Variants in MGAT4C observed in about 807,000 individuals in gnomAD.
The protein encoded by MGAT4C is alpha-1,3-mannosyl-glycoprotein 4-beta-N-acetylglucosaminyltransferase C.
In MGAT4C, 19 loss-of-function variants were observed where a neutral mutation model predicts 40.1. That is an observed-to-expected ratio of 0.47 (90% CI 0.33 to 0.70). The LOEUF (loss-of-function observed/expected upper bound fraction) is 0.70. Among genes scored for constraint, MGAT4C ranks in the 30% least tolerant of loss-of-function variants. The pLI, the probability that MGAT4C is intolerant of heterozygous loss-of-function variation, is 0.02. For missense variants in MGAT4C, 491 were observed against 563.2 expected, an observed-to-expected ratio of 0.87 and a Z score of 1.30; for synonymous variants, 181 against 187.1, an observed-to-expected ratio of 0.97 and a Z score of 0.27.
Position 86,001,421 on chromosome 12 carries a change from C to T in MGAT4C, c.-6-11869G>A, listed in dbSNP as rs77353035. The T allele has an allele frequency of 1.2e-3, 191 of 157,708 alleles. 1 individual carries two copies. The East Asian group carries it at 0.025, about 21-fold the overall frequency. 9.8% of individuals were successfully genotyped at this position (157,708 alleles called of 1,614,324 possible). ...ATAATTTTTTCTTTAACAGTTTTTGCTGCTATGACTTGTATAGGATCAAAT... is the reference window on the plus strand; with the variant it reads ...ATAATTTTTTCTTTAACAGTTTTTGTTGCTATGACTTGTATAGGATCAAAT... On this transcript the variant is annotated intron_variant, in intron 2 of 4. Transcript: ENST00000611864.
chr12:86,038,956 G>A (rs1230160620), intron 2 of MGAT4C, among the ~76,000 whole-genome samples: 1 of 127,826 alleles, frequency 7.8e-6, no homozygotes, highest in African/African-American at 3.0e-5. Flanking sequence ...GGATTTGCTT[G>A]TCTGCAAAAG....
intron 3 of MGAT4C, among the ~76,000 whole-genome samples, chr12:86,374,817 A>G (rs1955794024): frequency 6.6e-6 from 1 of 152,162 alleles, no homozygotes; most frequent in African/African-American, 2.4e-5. Flanking sequence ...TATTAAGTCT[A>G]CTAAAGACAA....
chr12:86,707,685 C>T (rs561481464), intron 2 of MGAT4C, among the ~76,000 whole-genome samples: 33 of 152,020 alleles, frequency 2.2e-4, no homozygotes, highest in African/African-American at 7.2e-4. Context: ...CACATGCTGC[C>T]GTACCATGCT....
At chr12:86,472,603 T>C (rs1320873823) in intron 2 of MGAT4C, among the ~76,000 whole-genome samples, 1 of 152,170 alleles carries the variant, frequency 6.6e-6, no homozygotes, top group African/African-American at 2.4e-5. Flanking sequence ...CTATTATAGA[T>C]TTTTTTTCTT....
At chr12:86,832,545 C>T (rs1952951023) in intron 1 of MGAT4C, among the ~76,000 whole-genome samples, 1 of 151,762 alleles carries the variant, frequency 6.6e-6, no homozygotes, top group African/African-American at 2.4e-5. Flanking sequence ...CTGCGATTTA[C>T]CTAAACCTGT....
chr12:86,092,137 A>G (rs1212204928), intron 1 of MGAT4C, among the ~76,000 whole-genome samples: 1 of 152,148 alleles, frequency 6.6e-6, no homozygotes, highest in Non-Finnish European at 1.5e-5. Flanking sequence ...ATTGCAGATC[A>G]GAATTCTCTC....
chr12:85,970,571 C>T lies in MGAT4C; in HGVS notation c.*8718G>A, dbSNP rs1300884579. ...TAAGTTTGCATGAAAATAACTCCAT[C>T]CTGAGTATACTCATTTCAATAAATT... is the stretch of plus-strand genomic sequence containing the variant. On this transcript the variant is annotated 3_prime_UTR_variant, in exon 5 of 5. Transcript: ENST00000611864. The T allele has an allele frequency of 6.6e-6, 1 of 151,158 alleles. No homozygotes were observed. The highest frequency in any genetic ancestry group is 2.4e-5 in the African/African-American group (1 of 41,334). 9.4% of individuals were successfully genotyped at this position (151,158 alleles called of 1,614,324 possible).
chr12:86,376,382 A>T (rs1336062964), intron 3 of MGAT4C, among the ~76,000 whole-genome samples: 1 of 152,084 alleles, frequency 6.6e-6, no homozygotes, highest in East Asian at 1.9e-4. Flanking sequence ...TGTCTCAAAA[A>T]ACCAAAAATA....
chr12:86,749,638 TAAAC>T (rs1230371317), intron 1 of MGAT4C, among the ~76,000 whole-genome samples: 1 of 151,848 alleles, frequency 6.6e-6, no homozygotes, highest in African/African-American at 2.4e-5. Flanking sequence ...GCTTTTATGT[TAAAC>T]AACTTAATTC....
At chr12:85,986,688 A>G (rs1189216111) in intron 3 of MGAT4C, among the ~76,000 whole-genome samples, 1 of 152,226 alleles carries the variant, frequency 6.6e-6, no homozygotes, top group Non-Finnish European at 1.5e-5. Flanking sequence ...ACAAAAAAGA[A>G]AGATCTACTA....
At chr12:86,531,444 G>A (rs1346902966) in intron 2 of MGAT4C, among the ~76,000 whole-genome samples, 1 of 152,072 alleles carries the variant, frequency 6.6e-6, no homozygotes, top group East Asian at 1.9e-4. Context: ...TTTGATGCTA[G>A]GTATTGCCTG....
In MGAT4C at chr12:86,172,305, A is replaced by T. The variant is rs12305010; in HGVS notation, c.-57+83934T>A. 2.1e-3 allele frequency among the ~76,000 whole-genome samples: 315 copies of T among 152,262 alleles called. 2 individuals carry two copies. The highest frequency in any genetic ancestry group is 7.3e-3 in the African/African-American group (303 of 41,562). On this transcript the variant is annotated intron_variant, in intron 1 of 4. Transcript: ENST00000611864. ...TATTTTCACCAAGCTAAATTTCTTC[A>T]TCTACATAATTGGATAATAGTCAAA...
At chr12:86,575,298 C>T (rs1331561099) in intron 2 of MGAT4C, among the ~76,000 whole-genome samples, 10 of 151,734 alleles carry the variant, frequency 6.6e-5, no homozygotes, top group African/African-American at 1.9e-4. Flanking sequence ...ATCAAACAGT[C>T]AGTCTTATTC....
At chr12:86,046,975 C>T (rs1892456713) in intron 2 of MGAT4C, among the ~76,000 whole-genome samples, 1 of 152,056 alleles carries the variant, frequency 6.6e-6, no homozygotes, top group Admixed American at 6.6e-5. Flanking sequence ...AATATACTAT[C>T]TCTGTTACAG....
In MGAT4C at chr12:86,774,331, CTT is replaced by C. The variant is rs923284754; in HGVS notation, c.-261-47092_-261-47091del. Among the ~76,000 whole-genome samples the C allele has an allele frequency of 2.8e-5, 3 of 106,840 alleles. No homozygotes were observed. In the East Asian group the frequency reaches 9.3e-4, roughly 33 times the overall value. The allele number at this position is 106,840 out of a possible 152,430, so 70.1% of individuals were successfully genotyped here. On this transcript the variant is annotated intron_variant, in intron 1 of 7. Transcript: ENST00000548651. ...TCTTTCTTTCTTTCTTTCTTTCTTT[CTT>C]TCTTTCTGTCTCTCTCTCTCCCCTC...
chr12:86,700,531 C>T (rs1029481556), intron 2 of MGAT4C, among the ~76,000 whole-genome samples: 1 of 151,982 alleles, frequency 6.6e-6, no homozygotes, highest in African/African-American at 2.4e-5. Context: ...GTGGATATAA[C>T]TTAAATGAAG....
intron 3 of MGAT4C, among the ~76,000 whole-genome samples, chr12:86,343,411 A>T (rs1366628856): frequency 6.6e-6 from 1 of 152,158 alleles, no homozygotes; most frequent in African/African-American, 2.4e-5. Context: ...CCCTTATGGA[A>T]TGTGTCCATT....
intron 2 of MGAT4C, among the ~76,000 whole-genome samples, chr12:86,513,145 T>TA (rs1236038468): frequency 3.9e-5 from 6 of 152,160 alleles, no homozygotes; most frequent in Non-Finnish European, 8.8e-5. Flanking sequence ...TTTTAATAGT[T>TA]ACGAAGTAAG....
intron 1 of MGAT4C, among the ~76,000 whole-genome samples, chr12:86,229,969 G>A (rs576253371): frequency 2.0e-5 from 3 of 152,088 alleles, no homozygotes; most frequent in East Asian, 3.9e-4. Flanking sequence ...AAATTCTGCT[G>A]ACCTTGCAAA....
Sources: allele counts gnomAD v4.1 joint callset (sites outside exome capture counted in the v4.1 genomes callset), GRCh38; gene constraint gnomAD v4.1.1; transcripts MANE v1.5; gene names NCBI Gene and HGNC (gene_info 2026-07-23, HGNC 2026-07-21).